Variants in ADAM17 observed in about 807,000 individuals in gnomAD.
The protein encoded by ADAM17 is disintegrin and metalloproteinase domain-containing protein 17.
Under a neutral mutation model 96.7 loss-of-function variants are expected in ADAM17, and 39 were observed. The observed-to-expected ratio is 0.40, with a 90% CI of 0.31 to 0.53. ADAM17 has a LOEUF of 0.53. Ranked by LOEUF, ADAM17 falls within the 20% of genes least tolerant of loss-of-function variation. ADAM17 has a pLI of 0.44. For synonymous variants in ADAM17, 344 were observed against 359.2 expected, an observed-to-expected ratio of 0.96 and a Z score of 0.48; for missense variants, 777 against 1,013.2, an observed-to-expected ratio of 0.77 and a Z score of 3.17.
chr2:9,532,820 T>A (rs144827961), intron 4 of ADAM17, among the ~76,000 whole-genome samples: 1 of 152,186 alleles, frequency 6.6e-6, no homozygotes, highest in East Asian at 1.9e-4. Context: ...TTAGTTATAC[T>A]CATTTTTGTA....
chr2:9,534,085 T>A (rs984993057), intron 4 of ADAM17, among the ~76,000 whole-genome samples: 1 of 152,150 alleles, frequency 6.6e-6, no homozygotes, highest in South Asian at 2.1e-4. Context: ...ACAAAACAGT[T>A]GAGGCCAGGC....
At chr2:9,518,312 A>G in intron 8 of ADAM17, 65 bp from the exon 9 acceptor site, 2 of 1,441,196 alleles carry the variant, frequency 1.4e-6, no homozygotes, top group Non-Finnish European at 1.8e-6. Context: ...ACATCAGACT[A>G]AAAGATGTAA....
At chr2:9,494,595 C>T (rs761236393) in intron 15 of ADAM17, 42 bp downstream of exon 15, 10 of 1,603,520 alleles carry the variant, frequency 6.2e-6, no homozygotes, top group Non-Finnish European at 8.5e-6. Flanking sequence ...ATAAAAACTT[C>T]CTATCTGGCT....
intron 2 of ADAM17, among the ~76,000 whole-genome samples, chr2:9,538,794 A>G (rs1665090232): frequency 6.6e-6 from 1 of 152,180 alleles, no homozygotes; most frequent in Admixed American, 6.5e-5. Flanking sequence ...TCCCAAAATT[A>G]TGTGAAGTCA....
At chr2:9,496,155 G>A in intron 14 of ADAM17, among the ~76,000 whole-genome samples, 1 of 151,892 alleles carries the variant, frequency 6.6e-6, no homozygotes, top group South Asian at 2.1e-4. Context: ...TTGAAATGGA[G>A]TCTCGCTCTG....
rs141699199 is a variant in ADAM17, at chr2:9,489,071, A to C, written c.*1106T>G. 6.6e-6 allele frequency: 1 copy of C among 152,296 alleles called. No homozygotes were observed. Among genetic ancestry groups the C allele is most frequent in the Non-Finnish European group, 1.5e-5 (1 of 68,018 alleles). The allele number at this position is 152,296 out of a possible 1,614,324, so 9.4% of individuals were successfully genotyped here. On this transcript the variant is annotated 3_prime_UTR_variant, in exon 19 of 19. Transcript: ENST00000310823. ...AATAAAAAGGGTTTCTGAAGTATCA[A>C]GTCTTGTGGGGACAGCCCCCAACCC...
intron 1 of ADAM17, among the ~76,000 whole-genome samples, chr2:9,551,149 G>A (rs1665580275): frequency 6.6e-6 from 1 of 150,828 alleles, no homozygotes; most frequent in Non-Finnish European, 1.5e-5. Context: ...ATGAACTCCA[G>A]AGAACAAGTC....
intron 13 of ADAM17, 76 bp from the exon 14 acceptor site, chr2:9,497,324 T>G (rs1005401734): frequency 7.6e-6 from 12 of 1,571,742 alleles, no homozygotes; most frequent in Admixed American, 3.6e-5. Flanking sequence ...AATACGCTGT[T>G]TCTCATACAA....
Position 9,541,098 on chromosome 2 carries a change from T to C in ADAM17, c.230+2055A>G, listed in dbSNP as rs1015192236. Among the ~76,000 whole-genome samples the C allele has an allele frequency of 5.9e-5, 9 of 152,352 alleles. No individual in the cohort carries two copies. The South Asian group carries it at 1.7e-3, about 28-fold the overall frequency. On this transcript the variant is annotated intron_variant, in intron 2 of 18. Coordinates refer to ENST00000310823, the MANE Select transcript of ADAM17 (RefSeq NM_003183.6). Reference sequence around the variant, plus strand: ...AAGATACTCACTAGAGCACTGTTTGTTGTATTAAAAAAATCACTTTGGTTA... The same window carrying C: ...AAGATACTCACTAGAGCACTGTTTGCTGTATTAAAAAAATCACTTTGGTTA...
intron 13 of ADAM17, among the ~76,000 whole-genome samples, chr2:9,497,775 C>T (rs1476587471): frequency 6.6e-6 from 1 of 152,134 alleles, no homozygotes; most frequent in Admixed American, 6.6e-5. Context: ...TAAGTTTTGT[C>T]TCAAAGGTTT....
intron 13 of ADAM17, among the ~76,000 whole-genome samples, chr2:9,499,891 TA>T (rs1484449265): frequency 1.3e-5 from 2 of 152,260 alleles, no homozygotes; most frequent in Admixed American, 1.3e-4. Context: ...CTAGGATAGT[TA>T]CAATAAAAAA....
chr2:9,527,283 C>CAAACAAAACAAAACAAAACAAAACA (rs60074409), intron 5 of ADAM17, among the ~76,000 whole-genome samples: 2 of 150,122 alleles, frequency 1.3e-5, no homozygotes, highest in African/African-American at 4.9e-5. Flanking sequence ...GATCGCGCTG[C>CAAACAAAACAAAACAAAACAAAACA]AAACAAAACA....
chr2:9,491,729 A>G (rs1662168063), intron 17 of ADAM17, among the ~76,000 whole-genome samples: 1 of 152,234 alleles, frequency 6.6e-6, no homozygotes, highest in African/African-American at 2.4e-5. Flanking sequence ...CTGAAGCATA[A>G]TAGGTGACAG....
intron 16 of ADAM17, among the ~76,000 whole-genome samples, chr2:9,493,279 C>T (rs1662307952): frequency 6.6e-6 from 1 of 152,174 alleles, no homozygotes; most frequent in Non-Finnish European, 1.5e-5. Context: ...CTAGTAAATG[C>T]TTAAGAAGAC....
chr2:9,512,995 AT>A, intron 10 of ADAM17, among the ~76,000 whole-genome samples: 1 of 151,774 alleles, frequency 6.6e-6, no homozygotes, highest in Middle Eastern at 3.4e-3. Flanking sequence ...ATTTCTTTGT[AT>A]CCTTTCTTTT....
intron 8 of ADAM17, among the ~76,000 whole-genome samples, chr2:9,520,964 C>CAAAAAAAAAAAAAAAAAAAAAAAAAAAA (rs55909096): frequency 1.1e-4 from 3 of 26,292 alleles, no homozygotes; most frequent in Non-Finnish European, 2.6e-4. Flanking sequence ...AACTCTGTCT[C>CAAAAAAAAAAAAAAAAAAAAAAAAAAAA]AAAAAAAAAA....
intron 18 of ADAM17, 85 bp downstream of exon 18, chr2:9,491,016 G>A (rs574369077): frequency 8.1e-7 from 1 of 1,233,212 alleles, no homozygotes; most frequent in East Asian, 2.3e-5. Flanking sequence ...GCCAGTGAAA[G>A]CTCTTGCTGG....
chr2:9,538,244 C>G (rs947804329), intron 2 of ADAM17, among the ~76,000 whole-genome samples: 1 of 152,166 alleles, frequency 6.6e-6, no homozygotes, highest in African/African-American at 2.4e-5. Flanking sequence ...ATCTCACCCA[C>G]AGAAACAAAT....
At position 9,536,385 on chromosome 2, in the gene ADAM17, C is replaced by T. The variant is rs565623389; in HGVS notation, c.361+313G>A. ...GATCACCAAGTATTTTATCTCCAAG[C>T]TTCCCTGTTTAAAATATCATAAAGA... On this transcript the variant is annotated intron_variant, in intron 3 of 18. Transcript: ENST00000310823. Among the ~76,000 whole-genome samples the T allele has an allele frequency of 2.0e-5, 3 of 152,252 alleles. No homozygotes were observed. In the East Asian group the frequency reaches 5.8e-4, roughly 29 times the overall value.
Sources: gnomAD v4.1 joint callset for allele counts (sites outside exome capture counted in the v4.1 genomes callset) on GRCh38, gnomAD v4.1.1 for gene constraint, MANE v1.5 for transcripts, NCBI Gene and HGNC (gene_info 2026-07-23, HGNC 2026-07-21) for gene names.